ECHDC3: variants seen among roughly 807,000 people sequenced by gnomAD.
ECHDC3 encodes enoyl-CoA hydratase domain containing 3.
Under a neutral mutation model 17.9 loss-of-function variants are expected in ECHDC3, and 20 were observed. The observed-to-expected ratio is 1.12, with a 90% confidence interval of 0.79 to 1.63. The LOEUF is 1.63. Among genes scored for constraint, ECHDC3 ranks in the 40% most tolerant of loss-of-function variants. The pLI, the probability that ECHDC3 is intolerant of heterozygous loss-of-function variation, is 0.00. For synonymous variants in ECHDC3, 177 were observed against 149.7 expected (o/e 1.18, Z -1.33); for missense variants, 407 against 357.7 (o/e 1.14, Z -1.11).
In ECHDC3 at chr10:11,742,548, T is replaced by C; in HGVS notation, c.-29T>C. ...ACCTGCGGCCGGCCAGGCAGCGCGA[T>C]CCTGCGGCGTCTGGCCATCCCGAAT... On this transcript the variant is annotated 5_prime_UTR_variant, in exon 1 of 5. Coordinates refer to ENST00000379215, the MANE Select transcript of ECHDC3 (RefSeq NM_024693.5). 7.9e-7 allele frequency: 1 copy of C among 1,261,876 alleles called. No homozygotes were observed. The allele number at this position is 1,261,876 out of a possible 1,614,324, so 78.2% of individuals were successfully genotyped here.
intron 3 of ECHDC3, among the ~76,000 whole-genome samples, chr10:11,755,167 C>A (rs1450096794): frequency 2.0e-5 from 3 of 151,200 alleles, no homozygotes; most frequent in Non-Finnish European, 4.4e-5. Context: ...CTAAAAATAC[C>A]AAAAAAAATT....
In ECHDC3 at chr10:11,747,199, G is replaced by A. The variant is rs531213351; in HGVS notation, c.171-150G>A. 1.3e-5 allele frequency: 13 copies of A among 979,182 alleles called. No homozygotes were observed. The East Asian group carries it at 3.7e-4, about 28-fold the overall frequency. 60.7% of individuals were successfully genotyped at this position (979,182 alleles called of 1,614,324 possible). ...GTTTTGACTTGGCTGTAACTCCAGA[G>A]AGTTGACAGACCCTCTAAATTGGCA... On this transcript the variant is annotated intron_variant, in intron 1 of 4. Transcript: ENST00000379215.
At position 11,747,356 on chromosome 10, in the gene ECHDC3, G is replaced by A. The variant is rs144131442; in HGVS notation, c.178G>A (p.Val60Ile). The A allele has an allele frequency of 3.1e-4, 495 of 1,613,762 alleles. 3 individuals carry two copies. In the African/African-American group the frequency reaches 6.1e-3, roughly 20 times the overall value. Residue 60 changes from valine to isoleucine, a missense_variant, in exon 2 of 5, where the codon GTC becomes ATC. Physicochemically the swap from Val to Ile is conservative, Grantham distance 29. Transcript: ENST00000379215. ...ARQLDGIRNIVLSNPKKRNAL... is the reference protein window; with the variant it reads ...ARQLDGIRNIILSNPKKRNAL... ...GTAAAATGTTCTTCACAGGAACATC[G>A]TCTTGAGCAATCCCAAGAAGAGGAA...
chr10:11,753,818 A>G (rs970139809), intron 3 of ECHDC3, among the ~76,000 whole-genome samples: 1 of 151,908 alleles, frequency 6.6e-6, no homozygotes, highest in Admixed American at 6.6e-5. Context: ...TGTGTCACCC[A>G]GGCTAGAGTG....
Position 11,755,569 on chromosome 10 carries a change from T to C in ECHDC3, c.552T>C (p.Ser184=). The part of the protein sequence containing the change: ...TPGVNVGLFC[S]TPGVALARAV... ...GGGTGAACGTCGGGCTCTTCTGTTC[T>C]ACCCCTGGGGTTGCCTTGGCAAGAG... Residue 184 remains serine (S), a synonymous_variant, in exon 4 of 5, where the codon TCT becomes TCC. Transcript: ENST00000379215. 1.2e-6 allele frequency: 2 copies of C among 1,613,996 alleles called. No individual in the cohort carries two copies.
chr10:11,742,933 T>G, intron 1 of ECHDC3, 187 bp downstream of exon 1: 2 of 582,762 alleles, frequency 3.4e-6, no homozygotes, highest in Non-Finnish European at 5.0e-6. Context: ...TCGGTGGGAC[T>G]GCCCGGGGCT....
chr10:11,747,308 G>T, intron 1 of ECHDC3, 41 bp from the exon 2 acceptor site: 2 of 1,605,372 alleles, frequency 1.2e-6, no homozygotes, highest in South Asian at 2.2e-5. Flanking sequence ...CACTTGTTTT[G>T]ACTGGTGTGT....
At chr10:11,758,215 C>T (rs758511393) in intron 4 of ECHDC3, among the ~76,000 whole-genome samples, 7 of 152,136 alleles carry the variant, frequency 4.6e-5, no homozygotes, top group Admixed American at 2.6e-4. Flanking sequence ...ATAATATTCC[C>T]CATTTGTAAA....
intron 1 of ECHDC3, among the ~76,000 whole-genome samples, chr10:11,746,605 A>G (rs1832763706): frequency 6.6e-6 from 1 of 152,122 alleles, no homozygotes; most frequent in Non-Finnish European, 1.5e-5. Context: ...CCCCATAAAT[A>G]TATATACACC....
chr10:11,755,210 C>A, intron 3 of ECHDC3, 198 bp from the exon 4 acceptor site: 1 of 511,584 alleles, frequency 2.0e-6, no homozygotes, highest in South Asian at 3.0e-5. Flanking sequence ...CCTGTAGTCC[C>A]AGCTACTCAG....
intron 1 of ECHDC3, among the ~76,000 whole-genome samples, chr10:11,745,293 C>A (rs1331273420): frequency 3.9e-5 from 6 of 152,132 alleles, no homozygotes; most frequent in Non-Finnish European, 8.8e-5. Context: ...GGGCTGGAAT[C>A]TTTTTATACA....
intron 2 of ECHDC3, among the ~76,000 whole-genome samples, chr10:11,748,432 C>G (rs111419951): frequency 0.03 from 4,561 of 152,108 alleles, 247 homozygotes; most frequent in African/African-American, 0.1. Flanking sequence ...TGCTATGTTG[C>G]CCAGGCTGGT....
intron 4 of ECHDC3, among the ~76,000 whole-genome samples, chr10:11,756,866 A>C (rs541687253): frequency 4.9e-4 from 75 of 152,010 alleles, no homozygotes; most frequent in African/African-American, 1.7e-3. Context: ...CTCCATAGTA[A>C]CTGGGATTAC....
At chr10:11,762,351 G>A (rs571671840) in intron 4 of ECHDC3, among the ~76,000 whole-genome samples, 79 of 152,306 alleles carry the variant, frequency 5.2e-4, no homozygotes, top group African/African-American at 1.8e-3. Context: ...CGAGTCCGAG[G>A]ACCCTGAGGT....
intron 4 of ECHDC3, among the ~76,000 whole-genome samples, chr10:11,762,017 G>C (rs1336186982): frequency 6.6e-6 from 1 of 151,458 alleles, no homozygotes; most frequent in Non-Finnish European, 1.5e-5. Flanking sequence ...GGGGTCACTT[G>C]TGCCCAGGAG....
At chr10:11,746,643 A>G (rs1832764445) in intron 1 of ECHDC3, among the ~76,000 whole-genome samples, 1 of 152,178 alleles carries the variant, frequency 6.6e-6, no homozygotes, top group Non-Finnish European at 1.5e-5. Flanking sequence ...AAAATTAAAT[A>G]TAAAAAATTG....
chr10:11,744,298 T>C (rs1832732000), intron 1 of ECHDC3, among the ~76,000 whole-genome samples: 1 of 152,262 alleles, frequency 6.6e-6, no homozygotes, highest in Non-Finnish European at 1.5e-5. Context: ...CTACTCTGTT[T>C]CTACTCACCA....
In ECHDC3 at chr10:11,763,168, G is replaced by A. The variant is rs866600290; in HGVS notation, c.592-56G>A. ...GTCATTGAGCCGAGGCGGGACTCAG[G>A]TGGCGGGGGCGGGTCACAGGAGAGC... On this transcript the variant is annotated intron_variant, in intron 4 of 4. Coordinates refer to ENST00000379215, the MANE Select transcript of ECHDC3 (RefSeq NM_024693.5). This position sits in a 1 kb window ranked among gnomAD's most constrained non-coding sequence, Gnocchi z 4.9. The A allele has an allele frequency of 1.3e-5, 9 of 685,142 alleles. No individual in the cohort carries two copies. The highest frequency in any genetic ancestry group is 4.9e-4 in the Middle Eastern group (2 of 4,120). 42.4% of individuals were successfully genotyped at this position (685,142 alleles called of 1,614,324 possible).
chr10:11,763,764 C>G lies in ECHDC3; in HGVS notation c.*220C>G, dbSNP rs909740102. ...TGACCTCAGTGCAAGGCTGGTGAACCCTGCAGCGGGCCAGCTATGGTGGGA... is the reference window on the plus strand; with the variant it reads ...TGACCTCAGTGCAAGGCTGGTGAACGCTGCAGCGGGCCAGCTATGGTGGGA... On this transcript the variant is annotated 3_prime_UTR_variant, in exon 5 of 5. Transcript: ENST00000379215. This position sits in a 1 kb window ranked among gnomAD's most constrained non-coding sequence, Gnocchi z 4.9. 41 of 1,336,528 alleles carry G rather than the reference C, an allele frequency of 3.1e-5. No homozygotes were observed. Among genetic ancestry groups the G allele is most frequent in the Non-Finnish European group, 3.9e-5 (41 of 1,045,624 alleles). 82.8% of individuals were successfully genotyped at this position (1,336,528 alleles called of 1,614,324 possible). A position where few individuals can be genotyped will look rare whatever the true frequency, so the allele number is the denominator to read the frequency against.
Sources: gnomAD v4.1 joint callset for allele counts (sites outside exome capture counted in the v4.1 genomes callset) on GRCh38, gnomAD v4.1.1 for gene constraint, Gnocchi (gnomAD v3.1) non-coding constraint, MANE v1.5 for transcripts, NCBI Gene and HGNC (gene_info 2026-07-23, HGNC 2026-07-21) for gene names.